Variants in RIOK3 observed in about 807,000 individuals in gnomAD.
RIOK3 encodes RIO kinase 3, also known as serine/threonine-protein kinase RIO3.
A neutral mutation model predicts 63.5 loss-of-function variants in RIOK3; 40 were observed. The observed-to-expected ratio is 0.63, with a 90% CI of 0.49 to 0.82. RIOK3 has a LOEUF of 0.82. RIOK3 is among the 40% of genes least tolerant of loss of function. RIOK3 has a pLI of 0.00. For synonymous variants in RIOK3, 193 were observed against 205.0 expected, an observed-to-expected ratio of 0.94 and a Z score of 0.50; for missense variants, 557 against 637.0, an observed-to-expected ratio of 0.87 and a Z score of 1.35.
At chr18:23,460,238 C>T (rs1157156203) in intron 1 of RIOK3, among the ~76,000 whole-genome samples, 2 of 152,248 alleles carry the variant, frequency 1.3e-5, no homozygotes, top group African/African-American at 4.8e-5. Context: ...CAGGCATTTG[C>T]CACTGTGCCC....
At chr18:23,470,428 C>T (rs1336126202) in intron 7 of RIOK3, among the ~76,000 whole-genome samples, 1 of 151,488 alleles carries the variant, frequency 6.6e-6, no homozygotes, top group Non-Finnish European at 1.5e-5. Flanking sequence ...TACAGTATAT[C>T]ATCTATTTAA....
At chr18:23,471,174 A>G (rs1167721396) in intron 7 of RIOK3, among the ~76,000 whole-genome samples, 1 of 152,104 alleles carries the variant, frequency 6.6e-6, no homozygotes, top group Admixed American at 6.5e-5. Flanking sequence ...TGCTATGCAG[A>G]TAGTTAAAAT....
chr18:23,476,168 CAG>C (rs2057489598), intron 9 of RIOK3, among the ~76,000 whole-genome samples: 1 of 152,064 alleles, frequency 6.6e-6, no homozygotes, highest in Non-Finnish European at 1.5e-5. Flanking sequence ...AAATTGAAAA[CAG>C]TAGGGAGTGC....
At chr18:23,455,392 C>A (rs1030512826) in intron 1 of RIOK3, among the ~76,000 whole-genome samples, 2 of 125,308 alleles carry the variant, frequency 1.6e-5, no homozygotes, top group Admixed American at 1.7e-4. Flanking sequence ...TTTTTTTTTT[C>A]TTTTTCTTTT....
intron 1 of RIOK3, among the ~76,000 whole-genome samples, chr18:23,461,004 T>C (rs879290968): frequency 5.3e-5 from 8 of 152,212 alleles, no homozygotes; most frequent in Non-Finnish European, 1.2e-4. Context: ...ACCAGGTGTA[T>C]TTCCTCAATC....
chr18:23,463,968 G>A lies in RIOK3; in HGVS notation c.181G>A (p.Val61Ile), dbSNP rs1377842465. 10 of 1,600,982 alleles carry A rather than the reference G, an allele frequency of 6.2e-6. No homozygotes were observed. Among genetic ancestry groups the A allele is most frequent in the Non-Finnish European group, 8.5e-6 (10 of 1,176,038 alleles). Residue 61 changes from valine (V) to isoleucine (I), a missense_variant and splice_region_variant, in exon 3 of 13, where the codon GTT (valine) becomes ATT (isoleucine). By Grantham distance (29) the Val-to-Ile change is conservative. Coordinates refer to ENST00000339486, the MANE Select transcript of RIOK3 (RefSeq NM_003831.5). ...EEAAVFPEVA[V>I]AEGPFITGEN... ...TTTATATTGCCTTATTTTGAATAGT[G>A]TTGCTGAAGGACCATTTATTACTGG...
intron 9 of RIOK3, among the ~76,000 whole-genome samples, chr18:23,475,770 G>A (rs1381976118): frequency 3.9e-5 from 6 of 152,134 alleles, no homozygotes; most frequent in African/African-American, 1.4e-4. Flanking sequence ...GTCTTAAATA[G>A]TTTTAGAAAA....
intron 5 of RIOK3, among the ~76,000 whole-genome samples, chr18:23,465,182 A>T (rs947623432): frequency 6.6e-6 from 1 of 152,034 alleles, no homozygotes; most frequent in Non-Finnish European, 1.5e-5. Flanking sequence ...GACCAGCCTG[A>T]CCAACATGGA....
intron 1 of RIOK3, 113 bp downstream of exon 1, chr18:23,453,615 C>T (rs2057318532): frequency 4.2e-6 from 4 of 950,164 alleles, no homozygotes; most frequent in Admixed American, 3.6e-5. Flanking sequence ...GGCGGGACCC[C>T]GCGGACCTCG....
chr18:23,475,693 A>G (rs1439220909), intron 9 of RIOK3, among the ~76,000 whole-genome samples: 1 of 152,158 alleles, frequency 6.6e-6, no homozygotes, highest in African/African-American at 2.4e-5. Context: ...GTGCTATAAC[A>G]AAGACAAGTT....
intron 2 of RIOK3, chr18:23,463,425 T>TTTGG (rs56070625): frequency 6.0e-6 from 1 of 167,178 alleles, no homozygotes; most frequent in African/African-American, 2.4e-5. Context: ...TTTTTTTTTT[T>TTTGG]GGAGATGGAA....
At chr18:23,458,002 T>C (rs1189409478) in intron 1 of RIOK3, among the ~76,000 whole-genome samples, 3 of 151,890 alleles carry the variant, frequency 2.0e-5, no homozygotes, top group Non-Finnish European at 4.4e-5. Context: ...CAAGCAATTC[T>C]TGTGCTTCAG....
chr18:23,466,218 C>T lies in RIOK3; in HGVS notation c.629C>T (p.Ala210Val), dbSNP rs749110932. Residue 210 changes from alanine to valine, a missense_variant, in exon 6 of 13, where the codon GCC becomes GTC. Coordinates refer to ENST00000339486, the MANE Select transcript of RIOK3 (RefSeq NM_003831.5). ...NHVFNALKQHAYSEERRSARL... is the reference protein window; with the variant it reads ...NHVFNALKQHVYSEERRSARL... Reference sequence around the variant, plus strand: ...GTTTTCAATGCTTTAAAACAACATGCCTACTCAGAAGAACGTCGAAGTGCC... The same window carrying T: ...GTTTTCAATGCTTTAAAACAACATGTCTACTCAGAAGAACGTCGAAGTGCC... 16 of 1,611,924 alleles carry T rather than the reference C, an allele frequency of 9.9e-6. No homozygotes were observed. Among genetic ancestry groups the T allele is most frequent in the Non-Finnish European group, 1.3e-5 (15 of 1,178,900 alleles).
intron 1 of RIOK3, among the ~76,000 whole-genome samples, chr18:23,458,772 A>G (rs1265048521): frequency 2.0e-5 from 3 of 152,178 alleles, no homozygotes; most frequent in African/African-American, 7.2e-5. Flanking sequence ...AGCACTTGGG[A>G]TAGCAAACCA....
At chr18:23,455,094 C>T (rs532003674) in intron 1 of RIOK3, among the ~76,000 whole-genome samples, 143 of 151,072 alleles carry the variant, frequency 9.5e-4, no homozygotes, top group Middle Eastern at 3.4e-3. Context: ...TTATTTGAGA[C>T]GGAGTCTCGC....
At chr18:23,474,024 A>C (rs921447609) in intron 8 of RIOK3, among the ~76,000 whole-genome samples, 2 of 152,176 alleles carry the variant, frequency 1.3e-5, no homozygotes, top group Non-Finnish European at 2.9e-5. Context: ...TTTAATTTTT[A>C]TACTTGTATC....
Position 23,475,101 on chromosome 18 carries a change from T to A in RIOK3, c.1167T>A (p.Thr389=). Residue 389 remains threonine, a synonymous_variant, in exon 9 of 13, where the codon ACT becomes ACA. Coordinates refer to ENST00000339486, the MANE Select transcript of RIOK3 (RefSeq NM_003831.5). ...AAATGAAAGAAGCCTACTATCAAAC[T>A]CTTCATGTAAGTTGTGCTTTTAAAA... ...SEEMKEAYYQ[T]LHLMRQLYHE... 6.2e-7 allele frequency: 1 copy of A among 1,607,686 alleles called. No individual in the cohort carries two copies. The highest frequency in any genetic ancestry group is 1.1e-5 in the South Asian group (1 of 90,226).
At chr18:23,464,135 A>G (rs1267561448) in intron 3 of RIOK3, 23 bp downstream of exon 3, 1 of 1,608,056 alleles carries the variant, frequency 6.2e-7, no homozygotes, top group East Asian at 2.2e-5. Context: ...TATTGTGACA[A>G]CTTCATTGAG....
rs574233158 is a variant in RIOK3, at chr18:23,453,333, T to C, written c.-107T>C. The C allele has an allele frequency of 2.4e-4, 226 of 924,494 alleles. 1 individual carries two copies. The East Asian group carries it at 5.3e-3, about 22-fold the overall frequency. The allele number at this position is 924,494 out of a possible 1,614,324, so 57.3% of individuals were successfully genotyped here. A position where few individuals can be genotyped will look rare whatever the true frequency, so the allele number is the denominator to read the frequency against. On this transcript the variant is annotated 5_prime_UTR_variant, in exon 1 of 13. Transcript: ENST00000339486. ...CGTCGCCGCCATCTGTCACCTCCAC[T>C]CCGGCATCAGCAGCCAGTCGCCCGT... is the stretch of plus-strand genomic sequence containing the variant.
Sources: allele counts gnomAD v4.1 joint callset (sites outside exome capture counted in the v4.1 genomes callset), GRCh38; gene constraint gnomAD v4.1.1; transcripts MANE v1.5; gene names NCBI Gene and HGNC (gene_info 2026-07-23, HGNC 2026-07-21).